Variants in RFTN1 observed in about 807,000 individuals in gnomAD.
RFTN1 encodes raftlin, lipid raft linker 1.
Under a neutral mutation model 46.5 loss-of-function variants are expected in RFTN1, and 26 were observed. That is an observed-to-expected ratio of 0.56 (90% confidence interval 0.41 to 0.78). The LOEUF is 0.78. RFTN1 is among the 30% of genes least tolerant of loss of function. RFTN1 has a pLI of 0.00. For missense variants in RFTN1, 693 were observed against 718.7 expected, an observed-to-expected ratio of 0.96 and a Z score of 0.41; for synonymous variants, 261 against 284.2, an observed-to-expected ratio of 0.92 and a Z score of 0.82.
At chr3:16,412,143 A>C (rs2074991138) in intron 3 of RFTN1, among the ~76,000 whole-genome samples, 1 of 152,266 alleles carries the variant, frequency 6.6e-6, no homozygotes, top group African/African-American at 2.4e-5. Flanking sequence ...TAGATGAACC[A>C]TGGAAAATTA....
chr3:16,378,243 A>T (rs113469341), intron 4 of RFTN1, 141 bp from the exon 5 acceptor site: 14 of 685,320 alleles, frequency 2.0e-5, no homozygotes, highest in African/African-American at 3.6e-5. Flanking sequence ...CAGGAACTCC[A>T]TGTCCTCAGG....
rs374158983 is a variant in RFTN1 at position 16,512,428 on chromosome 3, A to ATTTTT, written c.-9+1013_-9+1014insAAAAA. 0.38 allele frequency among the ~76,000 whole-genome samples: 56,927 copies of ATTTTT among 149,736 alleles called. 11,124 individuals carry two copies. Among genetic ancestry groups the ATTTTT allele is most frequent in the African/African-American group, 0.48 (19,330 of 40,438 alleles). ...AGATTGAGCCAGACTTTTTTTTTAAAAAAGTACTTCTTGTTTGTTTGTTTT... is the reference window on the plus strand; with the variant it reads ...AGATTGAGCCAGACTTTTTTTTTAAATTTTTAAAGTACTTCTTGTTTGTTTGTTTT... On this transcript the variant is annotated intron_variant, in intron 1 of 9. Coordinates refer to ENST00000334133, the MANE Select transcript of RFTN1 (RefSeq NM_015150.2). This position sits in a 1 kb window ranked among gnomAD's most constrained non-coding sequence, Gnocchi z 4.3.
At position 16,422,505 on chromosome 3, in the gene RFTN1, C is replaced by T. The variant is rs2075204733; in HGVS notation, c.332+11346G>A. The stretch of plus-strand genomic sequence containing the variant: ...AATTAGCTGGGCGTGGTGGCACGTG[C>T]CTGTAATCCCAGCTACTCAGGAGGC... On this transcript the variant is annotated intron_variant, in intron 3 of 9. Transcript: ENST00000334133. This position sits in a 1 kb window ranked among gnomAD's most constrained non-coding sequence, Gnocchi z 4.6. 6.6e-6 allele frequency among the ~76,000 whole-genome samples: 1 copy of T among 152,078 alleles called. No individual in the cohort carries two copies. Among genetic ancestry groups the T allele is most frequent in the South Asian group, 2.1e-4 (1 of 4,812 alleles).
chr3:16,336,513 C>T lies in RFTN1; in HGVS notation c.1147-9637G>A, dbSNP rs1041728893. 4.6e-5 allele frequency among the ~76,000 whole-genome samples: 7 copies of T among 152,184 alleles called. No homozygotes were observed. Among genetic ancestry groups the T allele is most frequent in the African/African-American group, 9.7e-5 (4 of 41,440 alleles). On this transcript the variant is annotated intron_variant, in intron 7 of 9. Transcript: ENST00000334133. The surrounding 1 kb of genome is among the most constrained non-coding windows in gnomAD (Gnocchi z 6.0). ...GGGAGGGAGGGACAGGCACGCTGGC[C>T]GGCTAGAGATGTTGTTTTCTCCTTT...
At chr3:16,388,266 A>G (rs372224241) in intron 4 of RFTN1, among the ~76,000 whole-genome samples, 139 of 152,276 alleles carry the variant, frequency 9.1e-4, no homozygotes, top group African/African-American at 3.1e-3. Context: ...TGAGAGCTCT[A>G]TGAGGACAGG....
intron 2 of RFTN1, among the ~76,000 whole-genome samples, chr3:16,455,359 A>G (rs376217099): frequency 6.6e-6 from 1 of 152,156 alleles, no homozygotes; most frequent in East Asian, 1.9e-4. Context: ...GTATGTGAAA[A>G]TCCTCACGCT....
At chr3:16,367,024 C>G (rs2073225561) in intron 6 of RFTN1, among the ~76,000 whole-genome samples, 1 of 152,198 alleles carries the variant, frequency 6.6e-6, no homozygotes, top group Non-Finnish European at 1.5e-5. Context: ...GGAGTAATGC[C>G]TCAAGAACAG....
At chr3:16,395,100 A>G (rs2074436451) in intron 4 of RFTN1, among the ~76,000 whole-genome samples, 2 of 152,274 alleles carry the variant, frequency 1.3e-5, no homozygotes, top group South Asian at 2.1e-4. Flanking sequence ...TATAATTTAA[A>G]ATATGCATGT....
rs1290039270 is a variant in RFTN1, at chr3:16,358,067, C to A, written c.1031-20G>T. On this transcript the variant is annotated intron_variant, in intron 6 of 9. Transcript: ENST00000334133. ...AGGAATCTGTGGAAAAAGAAAAAGG[C>A]GGGGGTGGGGGGGGTCTGTAAACCG... is the stretch of plus-strand genomic sequence containing the variant. The A allele has an allele frequency of 6.3e-6, 2 of 315,384 alleles. No individual in the cohort carries two copies. Among genetic ancestry groups the A allele is most frequent in the Non-Finnish European group, 5.6e-6 (1 of 179,320 alleles). The allele number at this position is 315,384 out of a possible 1,614,324, so 19.5% of individuals were successfully genotyped here.
chr3:16,324,770 T>A (rs2069528878), intron 8 of RFTN1, among the ~76,000 whole-genome samples: 1 of 151,674 alleles, frequency 6.6e-6, no homozygotes. Flanking sequence ...TTGTGAATAA[T>A]GCTGCAAGGA....
At chr3:16,323,671 C>A (rs1169261841) in intron 8 of RFTN1, among the ~76,000 whole-genome samples, 1 of 152,176 alleles carries the variant, frequency 6.6e-6, no homozygotes, top group Non-Finnish European at 1.5e-5. Context: ...TTTTGGGTAT[C>A]CCTACAAAGT....
intron 1 of RFTN1, among the ~76,000 whole-genome samples, chr3:16,508,777 A>G (rs1015870697): frequency 6.6e-6 from 1 of 152,110 alleles, no homozygotes; most frequent in Non-Finnish European, 1.5e-5. Context: ...TCCCTTTGTC[A>G]GTGAAAAATA....
chr3:16,356,900 A>G lies in RFTN1; in HGVS notation c.1146+1032T>C, dbSNP rs1186527814. Among the ~76,000 whole-genome samples the G allele has an allele frequency of 6.6e-6, 1 of 152,188 alleles. No individual in the cohort carries two copies. The highest frequency in any genetic ancestry group is 1.9e-4 in the East Asian group (1 of 5,200). On this transcript the variant is annotated intron_variant, in intron 7 of 9. Transcript: ENST00000334133. The surrounding 1 kb of genome is among the most constrained non-coding windows in gnomAD (Gnocchi z 4.9). ...CAGGCCAAGGCAGGCAGATCACTTG[A>G]GGTCAGGAGTTTGAGACCAGCCTGG...
Position 16,353,368 on chromosome 3 carries a change from C to T in RFTN1, c.1146+4564G>A, listed in dbSNP as rs544158120. 9.9e-5 allele frequency among the ~76,000 whole-genome samples: 15 copies of T among 152,148 alleles called. No individual in the cohort carries two copies. The highest frequency in any genetic ancestry group is 1.5e-4 in the Non-Finnish European group (10 of 68,022). ...TCTGCAGGCCCAAGTCAGGGTCTGA[C>T]GGAGCCTCTTCAAAGAGCTGAGGTG... On this transcript the variant is annotated intron_variant, in intron 7 of 9. Coordinates refer to ENST00000334133, the MANE Select transcript of RFTN1 (RefSeq NM_015150.2). The surrounding 1 kb of genome is among the most constrained non-coding windows in gnomAD (Gnocchi z 5.4).
In RFTN1 at chr3:16,433,787, C is replaced by A; in HGVS notation, c.332+64G>T. 6.5e-7 allele frequency: 1 copy of A among 1,543,366 alleles called. No individual in the cohort carries two copies. Among genetic ancestry groups the A allele is most frequent in the East Asian group, 2.2e-5 (1 of 44,546 alleles). The stretch of plus-strand genomic sequence containing the variant: ...CCCCCAACCCCATCCTCTCACTTCC[C>A]CTCCTCTATTGAGCATAACTTAGCC... On this transcript the variant is annotated intron_variant, in intron 3 of 9. Transcript: ENST00000334133. This position sits in a 1 kb window ranked among gnomAD's most constrained non-coding sequence, Gnocchi z 4.4.
At chr3:16,485,867 A>T (rs1357932803) in intron 2 of RFTN1, among the ~76,000 whole-genome samples, 1 of 152,250 alleles carries the variant, frequency 6.6e-6, no homozygotes, top group Non-Finnish European at 1.5e-5. Flanking sequence ...GCGGTGGATA[A>T]GCTTTGAGTG....
chr3:16,391,479 A>AT (rs891770105), intron 4 of RFTN1, among the ~76,000 whole-genome samples: 2 of 152,186 alleles, frequency 1.3e-5, no homozygotes, highest in Non-Finnish European at 2.9e-5. Context: ...CTCACAACAG[A>AT]TTTTTTCCAC....
chr3:16,420,265 G>T (rs1283670693), intron 3 of RFTN1, among the ~76,000 whole-genome samples: 1 of 152,200 alleles, frequency 6.6e-6, no homozygotes, highest in African/African-American at 2.4e-5. Flanking sequence ...AGCTGGGGGA[G>T]GGTCCTGCTT....
chr3:16,370,548 G>A lies in RFTN1; in HGVS notation c.827-269C>T, dbSNP rs2073453685. On this transcript the variant is annotated intron_variant, in intron 5 of 9. Transcript: ENST00000334133. This position sits in a 1 kb window ranked among gnomAD's most constrained non-coding sequence, Gnocchi z 5.5. ...GGAATATAATGAATAGCTGTTATCTGCGATTAATAGGCACAGCTAGGTGTT... is the reference window on the plus strand; with the variant it reads ...GGAATATAATGAATAGCTGTTATCTACGATTAATAGGCACAGCTAGGTGTT... Among the ~76,000 whole-genome samples, 1 of 152,172 alleles carries A rather than the reference G, an allele frequency of 6.6e-6. No homozygotes were observed. Among genetic ancestry groups the A allele is most frequent in the Non-Finnish European group, 1.5e-5 (1 of 68,038 alleles).
Sources: gnomAD v4.1 joint callset for allele counts (sites outside exome capture counted in the v4.1 genomes callset) on GRCh38, gnomAD v4.1.1 for gene constraint, Gnocchi (gnomAD v3.1) non-coding constraint, MANE v1.5 for transcripts, NCBI Gene and HGNC (gene_info 2026-07-23, HGNC 2026-07-21) for gene names.